Variants in CBL observed in about 807,000 individuals in gnomAD.
CBL encodes the protein E3 ubiquitin-protein ligase CBL.
In CBL, 45 loss-of-function variants were observed where a neutral mutation model predicts 96.9. The ratio of observed to expected loss-of-function variants is 0.46; its 90% CI spans 0.37 to 0.60. The LOEUF (loss-of-function observed/expected upper bound fraction) is 0.60. Ranked by LOEUF, CBL falls within the 20% of genes least tolerant of loss-of-function variation. The pLI is 0.00. For synonymous variants in CBL, 420 were observed against 426.8 expected, an observed-to-expected ratio of 0.98 and a Z score of 0.20; for missense variants, 1,024 against 1,143.5, an observed-to-expected ratio of 0.90 and a Z score of 1.51.
chr11:119,292,752 C>G (rs112089397), intron 12 of CBL, among the ~76,000 whole-genome samples: 3 of 152,098 alleles, frequency 2.0e-5, no homozygotes, highest in South Asian at 2.1e-4. Flanking sequence ...TATTCAGCCT[C>G]CCTAGTAACT....
intron 12 of CBL, among the ~76,000 whole-genome samples, chr11:119,290,689 G>A (rs1458045387): frequency 6.8e-6 from 1 of 147,450 alleles, no homozygotes; most frequent in Non-Finnish European, 1.5e-5. Context: ...AGTATGTTTT[G>A]TTTTGAGACA....
intron 2 of CBL, among the ~76,000 whole-genome samples, chr11:119,251,594 A>G (rs1297039449): frequency 6.6e-6 from 1 of 152,236 alleles, no homozygotes; most frequent in Admixed American, 6.5e-5. Context: ...TTTGGACACA[A>G]AAATATTCAG....
At chr11:119,274,070 T>G in intron 4 of CBL, 46 bp downstream of exon 4, 3 of 1,391,652 alleles carry the variant, frequency 2.2e-6, no homozygotes, top group South Asian at 2.4e-5. Context: ...GCTACTTCGG[T>G]GAAGAGAAAG....
intron 1 of CBL, among the ~76,000 whole-genome samples, chr11:119,231,115 A>C (rs1949498758): frequency 6.6e-6 from 1 of 152,054 alleles, no homozygotes; most frequent in Non-Finnish European, 1.5e-5. Flanking sequence ...TAAAACTCAA[A>C]CCCCAGGTTG....
chr11:119,214,550 G>A (rs1949342650), intron 1 of CBL, among the ~76,000 whole-genome samples: 1 of 152,210 alleles, frequency 6.6e-6, no homozygotes, highest in African/African-American at 2.4e-5. Context: ...TGCCTGGGCA[G>A]TAGACATTCT....
At chr11:119,215,132 A>G (rs759738441) in intron 1 of CBL, among the ~76,000 whole-genome samples, 1 of 152,134 alleles carries the variant, frequency 6.6e-6, no homozygotes, top group Non-Finnish European at 1.5e-5. Context: ...GAATAAAAGT[A>G]GAGTTAGACC....
intron 2 of CBL, among the ~76,000 whole-genome samples, chr11:119,256,944 T>C (rs1440058551): frequency 6.6e-6 from 1 of 152,246 alleles, no homozygotes; most frequent in African/African-American, 2.4e-5. Flanking sequence ...TATATATTAA[T>C]GTATCACATT....
rs1013414267 is a variant in CBL, at chr11:119,292,386, T to C, written c.2036+4440T>C. Among the ~76,000 whole-genome samples, 7 of 148,652 alleles carry C rather than the reference T, an allele frequency of 4.7e-5. No individual in the cohort carries two copies. In the East Asian group the frequency reaches 6.1e-4, roughly 13 times the overall value. ...TTATGCTGATGTCTTTTTTTTTTTTTCCATTATTTTTTTCTTGGCATACTT... is the reference window on the plus strand; with the variant it reads ...TTATGCTGATGTCTTTTTTTTTTTTCCCATTATTTTTTTCTTGGCATACTT... On this transcript the variant is annotated intron_variant, in intron 12 of 15. Coordinates refer to ENST00000264033, the MANE Select transcript of CBL (RefSeq NM_005188.4).
chr11:119,300,663 TA>T lies in CBL; in HGVS notation c.*884del, dbSNP rs1347495946. On this transcript the variant is annotated 3_prime_UTR_variant, in exon 16 of 16. Coordinates refer to ENST00000264033, the MANE Select transcript of CBL (RefSeq NM_005188.4). The stretch of plus-strand genomic sequence containing the variant: ...AGATGTTTTGATTATCCTAATTACA[TA>T]ATGACCGATTTGAGATAGAGGCCTT... 7.5e-6 allele frequency: 3 copies of T among 398,394 alleles called. No individual in the cohort carries two copies. 24.7% of individuals were successfully genotyped at this position (398,394 alleles called of 1,614,324 possible). A position where few individuals can be genotyped will look rare whatever the true frequency, so the allele number is the denominator to read the frequency against.
rs1381740987 is a variant in CBL at position 119,300,327 on chromosome 11, CT to C, written c.*549del. 2.2e-5 allele frequency: 9 copies of C among 404,140 alleles called. No individual in the cohort carries two copies. The South Asian group carries it at 6.6e-4, about 29-fold the overall frequency. 25.0% of individuals were successfully genotyped at this position (404,140 alleles called of 1,614,324 possible). A position where few individuals can be genotyped will look rare whatever the true frequency, so the allele number is the denominator to read the frequency against. ...TGTGTATTACAACTTCAACACTCCC[CT>C]TTGGCTTATATTACCATGTGCATAG... On this transcript the variant is annotated 3_prime_UTR_variant, in exon 16 of 16. Transcript: ENST00000264033.
At chr11:119,215,618 C>T (rs941459713) in intron 1 of CBL, among the ~76,000 whole-genome samples, 6 of 149,814 alleles carry the variant, frequency 4.0e-5, no homozygotes, top group African/African-American at 9.8e-5. Flanking sequence ...TTGCAGTGAG[C>T]GGAGATCACG....
intron 2 of CBL, among the ~76,000 whole-genome samples, chr11:119,239,518 A>G (rs1045400065): frequency 2.0e-5 from 3 of 152,188 alleles, no homozygotes; most frequent in African/African-American, 7.2e-5. Flanking sequence ...GCTTTCCTAG[A>G]TACCAGATCA....
intron 2 of CBL, among the ~76,000 whole-genome samples, chr11:119,256,105 GT>G (rs1949708857): frequency 6.6e-6 from 1 of 151,440 alleles, no homozygotes; most frequent in Non-Finnish European, 1.5e-5. Flanking sequence ...ATTAATGAAC[GT>G]TATTGAAATA....
chr11:119,237,498 A>T (rs1488053614), intron 2 of CBL, among the ~76,000 whole-genome samples: 1 of 151,926 alleles, frequency 6.6e-6, no homozygotes, highest in Non-Finnish European at 1.5e-5. Context: ...GTTTTTTCCT[A>T]TTTTATAGTT....
chr11:119,276,878 A>G (rs1398259879), intron 6 of CBL, among the ~76,000 whole-genome samples: 4 of 152,172 alleles, frequency 2.6e-5, no homozygotes, highest in Admixed American at 2.0e-4. Context: ...ATATTGTTAC[A>G]TTGCTTTTAA....
chr11:119,274,965 G>C lies in CBL; in HGVS notation c.869+12G>C. The C allele has an allele frequency of 6.2e-7, 1 of 1,611,562 alleles. No individual in the cohort carries two copies. The highest frequency in any genetic ancestry group is 8.5e-7 in the Non-Finnish European group (1 of 1,179,306). On this transcript the variant is annotated intron_variant, in intron 5 of 15. Coordinates refer to ENST00000264033, the MANE Select transcript of CBL (RefSeq NM_005188.4). ...CACAAACCTGGCAGGTCAGTTCAAT[G>C]ACGCAAAGAGATTTATTCTTCTGAA...
intron 1 of CBL, among the ~76,000 whole-genome samples, chr11:119,209,351 C>T (rs1031061532): frequency 1.3e-5 from 2 of 152,222 alleles, no homozygotes; most frequent in Non-Finnish European, 2.9e-5. Context: ...GGCCCCGTGG[C>T]TCACGCTTGT....
At chr11:119,260,308 A>C (rs988122118) in intron 2 of CBL, among the ~76,000 whole-genome samples, 4 of 150,552 alleles carry the variant, frequency 2.7e-5, no homozygotes, top group Non-Finnish European at 5.9e-5. Flanking sequence ...TAGTGGTGCA[A>C]TCTCGGCTCA....
In CBL at chr11:119,276,034, T is replaced by C; in HGVS notation, c.907T>C (p.Trp303Arg). Residue 303 changes from tryptophan to arginine, a missense_variant, in exon 6 of 16, where the codon TGG (tryptophan) becomes CGG (arginine). Transcript: ENST00000264033. ...GCTGAGCTGTACTCGTCTGGGTCAG[T>C]GGGCTATTGGGTATGTTACTGCTGA... ...FRLSCTRLGQWAIGYVTADGN... is the reference protein window; with the variant it reads ...FRLSCTRLGQRAIGYVTADGN... The C allele has an allele frequency of 6.2e-7, 1 of 1,614,070 alleles. No homozygotes were observed. The highest frequency in any genetic ancestry group is 1.1e-5 in the South Asian group (1 of 91,076).
Sources: allele counts gnomAD v4.1 joint callset (sites outside exome capture counted in the v4.1 genomes callset), GRCh38; gene constraint gnomAD v4.1.1; transcripts MANE v1.5; gene names NCBI Gene and HGNC (gene_info 2026-07-23, HGNC 2026-07-21).